ATP8B3: variants seen among roughly 807,000 people sequenced by gnomAD.
ATP8B3 encodes ATPase phospholipid transporting 8B3.
A neutral mutation model predicts 140.9 loss-of-function variants in ATP8B3; 141 were observed. The ratio of observed to expected loss-of-function variants is 1.00; its 90% CI spans 0.87 to 1.15. The LOEUF is 1.15. ATP8B3 is among the 50% of genes most tolerant of loss of function. The pLI, the probability that ATP8B3 is intolerant of heterozygous loss-of-function variation, is 0.00. For missense variants in ATP8B3, 1,874 were observed against 1,740.6 expected (o/e 1.08, Z -1.36); for synonymous variants, 765 against 714.6 (o/e 1.07, Z -1.13).
rs778473821 is a variant in ATP8B3 at position 1,796,999 on chromosome 19, T to C, written c.1559A>G (p.Asp520Gly). ...CCISGRVYGP[D>G]SEATTRPKEN... ...CTTAGGTCGGGTCGTGGCCTCTGAA[T>C]CCGGCCCTGGGGAAAGACACAGCTT... The change falls in exon 15 of 29, where the codon GAT becomes GGT. Residue 520 changes from aspartate (D) to glycine (G), a missense_variant. By Grantham distance (94) the Asp-to-Gly change is moderately conservative. This residue lies in a region of ATP8B3 where 1,032 missense variants were observed against 963.6 expected (regional missense o/e 1.07). Coordinates refer to ENST00000310127, the MANE Select transcript of ATP8B3 (RefSeq NM_138813.4). The C allele has an allele frequency of 6.2e-7, 1 of 1,612,946 alleles. No homozygotes were observed. The highest frequency in any genetic ancestry group is 1.1e-5 in the South Asian group (1 of 91,078).
chr19:1,812,051 GC>G (rs910772336), intron 1 of ATP8B3, 134 bp downstream of exon 1: 62 of 300,626 alleles, frequency 2.1e-4, no homozygotes, highest in Non-Finnish European at 3.1e-4. Context: ...CCGCCCCGGG[GC>G]CCCGACCGCG....
chr19:1,804,009 T>C (rs1379824619), intron 10 of ATP8B3, among the ~76,000 whole-genome samples: 2 of 150,638 alleles, frequency 1.3e-5, no homozygotes, highest in Non-Finnish European at 3.0e-5. Context: ...TCCCCAGATA[T>C]CACAGACAGA....
rs1188465575 is a variant in ATP8B3, at chr19:1,805,326, A to G, written c.904+48T>C. Reference sequence around the variant, plus strand: ...ACAACAACAAAATACCCTAACTTTTAACTTTTACAGATTCGAGGGACGTGA... The same window carrying G: ...ACAACAACAAAATACCCTAACTTTTGACTTTTACAGATTCGAGGGACGTGA... On this transcript the variant is annotated intron_variant, in intron 10 of 28. Coordinates refer to ENST00000310127, the MANE Select transcript of ATP8B3 (RefSeq NM_138813.4). The surrounding 1 kb of genome is among the most constrained non-coding windows in gnomAD (Gnocchi z 5.2). The G allele has an allele frequency of 1.3e-6, 2 of 1,494,026 alleles. No homozygotes were observed. Among genetic ancestry groups the G allele is most frequent in the Non-Finnish European group, 1.8e-6 (2 of 1,094,548 alleles). The allele number at this position is 1,494,026 out of a possible 1,614,324, so 92.5% of individuals were successfully genotyped here.
At position 1,795,926 on chromosome 19, in the gene ATP8B3, T is replaced by A; in HGVS notation, c.2004A>T (p.Glu668Asp). Residue 668 changes from glutamate to aspartate, a missense_variant, in exon 18 of 29, where the codon GAA becomes GAT. Transcript: ENST00000310127. ...YTKGADTVIF[E>D]RLHRRGAMEF... is the part of the protein sequence containing the mutation. Reference sequence around the variant, plus strand: ...CCATTGCCCCCCTCCTGTGCAAGCGTTCGAAGATGACCGTGTCGGCGCCCT... The same window carrying A: ...CCATTGCCCCCCTCCTGTGCAAGCGATCGAAGATGACCGTGTCGGCGCCCT... 1 of 1,611,790 alleles carries A rather than the reference T, an allele frequency of 6.2e-7. No homozygotes were observed.
chr19:1,796,716 C>T lies in ATP8B3; in HGVS notation c.1748G>A (p.Arg583His), dbSNP rs371318224. ...GGGGAGGTGGGTGGGCGCACCTGGG[C>T]GCTCACGGGGGCTCTCCCGCACCAT... ...TVMVRESPRE[R>H]PDQLLYQAAS... is the part of the protein sequence containing the mutation. Residue 583 changes from arginine (R) to histidine (H), a missense_variant, in exon 16 of 29, where the codon CGC (arginine) becomes CAC (histidine). Arg to His is a conservative substitution (Grantham distance 29). This residue lies in a region of ATP8B3 where 1,032 missense variants were observed against 963.6 expected (regional missense o/e 1.07). Coordinates refer to ENST00000310127, the MANE Select transcript of ATP8B3 (RefSeq NM_138813.4). The T allele has an allele frequency of 2.1e-5, 34 of 1,609,298 alleles. No individual in the cohort carries two copies. In the Middle Eastern group the frequency reaches 5.1e-4, roughly 24 times the overall value.
rs765469279 is a variant in ATP8B3 at position 1,789,647 on chromosome 19, G to A, written c.2559C>T (p.Leu853=). The change falls in exon 23 of 29, where the codon CTC becomes CTT. Residue 853 remains leucine (L), a synonymous_variant. Coordinates refer to ENST00000310127, the MANE Select transcript of ATP8B3 (RefSeq NM_138813.4). ...AGAGGAAATCCCTCCTGGACTGGCC[G>A]AGCTCCTGCCACGCCTCGTCCATGT... is the stretch of plus-strand genomic sequence containing the variant. ...NVNMDEAWQE[L]GQSRRDFLYA... 1 of 1,598,518 alleles carries A rather than the reference G, an allele frequency of 6.3e-7. No individual in the cohort carries two copies. Among genetic ancestry groups the A allele is most frequent in the South Asian group, 1.1e-5 (1 of 89,310 alleles).
At chr19:1,808,148 C>G in intron 5 of ATP8B3, 74 bp downstream of exon 5, 1 of 1,230,024 alleles carries the variant, frequency 8.1e-7, no homozygotes, top group Non-Finnish European at 1.2e-6. Context: ...GTGAACCCAC[C>G]CATCACACAG....
Position 1,800,408 on chromosome 19 carries a change from G to A in ATP8B3, c.1194C>T (p.Phe398=), listed in dbSNP as rs776745904. ...ATTCTTTGACTGAGAAACCGAAGCC[G>A]AAGGCCAACACCAGGCAGACAAGCA... ...SVVLVCLVLA[F]GFGFSVKEFK... Residue 398 remains phenylalanine (F), a synonymous_variant, in exon 13 of 29, where the codon TTC becomes TTT. Coordinates refer to ENST00000310127, the MANE Select transcript of ATP8B3 (RefSeq NM_138813.4). The surrounding 1 kb of genome is among the most constrained non-coding windows in gnomAD (Gnocchi z 4.4). 29 of 1,601,972 alleles carry A rather than the reference G, an allele frequency of 1.8e-5. No individual in the cohort carries two copies. Among genetic ancestry groups the A allele is most frequent in the East Asian group, 4.5e-5 (2 of 44,440 alleles).
intron 28 of ATP8B3, among the ~76,000 whole-genome samples, chr19:1,784,367 T>G (rs2068238440): frequency 6.6e-6 from 1 of 151,806 alleles, no homozygotes. Flanking sequence ...ACTACAAAAT[T>G]AGCTGGGCGT....
At chr19:1,812,276 CGG>C (rs1468917017), upstream of ATP8B3, 1 of 134,362 alleles carries the variant, frequency 7.4e-6, no homozygotes, top group Admixed American at 7.7e-5. Context: ...GGTCCTGAAA[CGG>C]GGGGCGGGAT....
chr19:1,805,537 C>A lies in ATP8B3; in HGVS notation c.822-81G>T. On this transcript the variant is annotated intron_variant, in intron 9 of 28. Transcript: ENST00000310127. The surrounding 1 kb of genome is among the most constrained non-coding windows in gnomAD (Gnocchi z 5.2). Reference sequence around the variant, plus strand: ...CCCCCAGACCCCTTCTGGAGTCACTCAAACATTTTCACTGAGCACCTACTA... The same window carrying A: ...CCCCCAGACCCCTTCTGGAGTCACTAAAACATTTTCACTGAGCACCTACTA... 1 of 1,221,978 alleles carries A rather than the reference C, an allele frequency of 8.2e-7. No homozygotes were observed. The highest frequency in any genetic ancestry group is 1.2e-6 in the Non-Finnish European group (1 of 849,178). 75.7% of individuals were successfully genotyped at this position (1,221,978 alleles called of 1,614,324 possible).
chr19:1,802,834 T>C (rs1412908732), intron 10 of ATP8B3, among the ~76,000 whole-genome samples, 189 bp from the exon 11 acceptor site: 1 of 152,184 alleles, frequency 6.6e-6, no homozygotes, highest in Non-Finnish European at 1.5e-5. Context: ...TCAGGGACTT[T>C]GGGCAGGCTG....
chr19:1,800,233 CG>C lies in ATP8B3; in HGVS notation c.1343+25del. 6.2e-7 allele frequency: 1 copy of C among 1,606,390 alleles called. No homozygotes were observed. The highest frequency in any genetic ancestry group is 1.7e-5 in the Admixed American group (1 of 58,986). ...ATGCCTCCCCGTTCCGCGTTTGCAC[CG>C]GGGACGCAGCCGGCGGAGACTCACA... On this transcript the variant is annotated intron_variant, in intron 13 of 28. Coordinates refer to ENST00000310127, the MANE Select transcript of ATP8B3 (RefSeq NM_138813.4). The surrounding 1 kb of genome is among the most constrained non-coding windows in gnomAD (Gnocchi z 4.4).
In ATP8B3 at chr19:1,800,742, T is replaced by G. The variant is rs2068821400; in HGVS notation, c.1153-293A>C. On this transcript the variant is annotated intron_variant, in intron 12 of 28. Transcript: ENST00000310127. The surrounding 1 kb of genome is among the most constrained non-coding windows in gnomAD (Gnocchi z 4.4). ...CAGAAGGCTGAGGCCGAGGATCGCT[T>G]GAGCCCAGGAGGCTGCAGTGAGATA... Among the ~76,000 whole-genome samples, 1 of 152,150 alleles carries G rather than the reference T, an allele frequency of 6.6e-6. No individual in the cohort carries two copies. Among genetic ancestry groups the G allele is most frequent in the Non-Finnish European group, 1.5e-5 (1 of 68,016 alleles).
intron 16 of ATP8B3, 45 bp downstream of exon 16, chr19:1,796,666 C>T (rs753611924): frequency 1.1e-5 from 18 of 1,586,854 alleles, no homozygotes; most frequent in Admixed American, 1.7e-5. Context: ...CTGCCGTGCC[C>T]CGGGGGCTGA....
Position 1,806,960 on chromosome 19 carries a change from C to T in ATP8B3, c.615+208G>A, listed in dbSNP as rs547449643. The stretch of plus-strand genomic sequence containing the variant: ...GCTCAATGGCCCCAAAACCACGCAC[C>T]GACAGAGCCAACGCCACCTGCGGCA... On this transcript the variant is annotated intron_variant, in intron 6 of 28. Transcript: ENST00000310127. This position sits in a 1 kb window ranked among gnomAD's most constrained non-coding sequence, Gnocchi z 5.6. Among the ~76,000 whole-genome samples, 278 of 152,258 alleles carry T rather than the reference C, an allele frequency of 1.8e-3. No homozygotes were observed. The highest frequency in any genetic ancestry group is 5.7e-3 in the African/African-American group (235 of 41,548).
At position 1,800,008 on chromosome 19, in the gene ATP8B3, C is replaced by T. The variant is rs747349506; in HGVS notation, c.1491G>A (p.Thr497=). The T allele has an allele frequency of 5.0e-6, 8 of 1,605,952 alleles. No individual in the cohort carries two copies. Among genetic ancestry groups the T allele is most frequent in the South Asian group, 1.1e-5 (1 of 89,514 alleles). ...TCAAGATGTTCTGCGTGAGCGTGCCCGTCTTGTCCGAGAAGATGTATTCCA... is the reference window on the plus strand; with the variant it reads ...TCAAGATGTTCTGCGTGAGCGTGCCTGTCTTGTCCGAGAAGATGTATTCCA... The part of the protein sequence containing the change: ...GQVEYIFSDK[T]GTLTQNILTF... Residue 497 remains threonine (T), a synonymous_variant, in exon 14 of 29, where the codon ACG becomes ACA. Transcript: ENST00000310127. The surrounding 1 kb of genome is among the most constrained non-coding windows in gnomAD (Gnocchi z 4.4).
Position 1,805,217 on chromosome 19 carries a change from C to T in ATP8B3, c.904+157G>A, listed in dbSNP as rs1246575280. 4 of 721,892 alleles carry T rather than the reference C, an allele frequency of 5.5e-6. No homozygotes were observed. Among genetic ancestry groups the T allele is most frequent in the African/African-American group, 5.2e-5 (3 of 57,496 alleles). The allele number at this position is 721,892 out of a possible 1,614,324, so 44.7% of individuals were successfully genotyped here. A position where few individuals can be genotyped will look rare whatever the true frequency, so the allele number is the denominator to read the frequency against. ...CTTGAATTCCTGGGCTGAAGTGATT[C>T]TCCTGCCTCAGCCTCCCAAAGTGCT... On this transcript the variant is annotated intron_variant, in intron 10 of 28. Transcript: ENST00000310127. The surrounding 1 kb of genome is among the most constrained non-coding windows in gnomAD (Gnocchi z 5.2).
At chr19:1,786,332 G>A (rs762977420) in intron 25 of ATP8B3, among the ~76,000 whole-genome samples, 6 of 151,698 alleles carry the variant, frequency 4.0e-5, no homozygotes, top group Admixed American at 1.3e-4. Flanking sequence ...TGGGGAGGCC[G>A]AGGTGGGAGG....
Sources: gnomAD v4.1 joint callset for allele counts (sites outside exome capture counted in the v4.1 genomes callset) on GRCh38, gnomAD v4.1.1 for gene constraint, gnomAD v4.1.1 regional missense constraint, Gnocchi (gnomAD v3.1) non-coding constraint, MANE v1.5 for transcripts, NCBI Gene and HGNC (gene_info 2026-07-23, HGNC 2026-07-21) for gene names.